CYFIP2: variants seen among roughly 807,000 people sequenced by gnomAD.
The protein encoded by CYFIP2 is cytoplasmic FMR1-interacting protein 2.
A neutral mutation model predicts 158.7 loss-of-function variants in CYFIP2; 29 were observed. The ratio of observed to expected loss-of-function variants is 0.18; its 90% CI spans 0.14 to 0.25. The LOEUF is 0.25. CYFIP2 is among the 10% of genes least tolerant of loss of function. The pLI, the probability that CYFIP2 is intolerant of heterozygous loss-of-function variation, is 1.00. For synonymous variants in CYFIP2, 585 were observed against 617.6 expected (o/e 0.95, Z 0.78); for missense variants, 852 against 1,639.5 (o/e 0.52, Z 8.29).
At position 157,311,466 on chromosome 5, in the gene CYFIP2, G is replaced by A. The variant is rs1759715923; in HGVS notation, c.993-198G>A. ...AGATGAGGCTGGCACCAAAGAGGAGGAGGAAGGACTGTTCCATTAGGCCTG... is the reference window on the plus strand; with the variant it reads ...AGATGAGGCTGGCACCAAAGAGGAGAAGGAAGGACTGTTCCATTAGGCCTG... On this transcript the variant is annotated intron_variant, in intron 10 of 30. Transcript: ENST00000620254. The surrounding 1 kb of genome is among the most constrained non-coding windows in gnomAD (Gnocchi z 4.7). The A allele has an allele frequency of 3.4e-6, 2 of 589,908 alleles. No homozygotes were observed. Among genetic ancestry groups the A allele is most frequent in the Middle Eastern group, 4.3e-4 (1 of 2,350 alleles). The allele number at this position is 589,908 out of a possible 1,614,324, so 36.5% of individuals were successfully genotyped here. A position where few individuals can be genotyped will look rare whatever the true frequency, so the allele number is the denominator to read the frequency against.
chr5:157,327,907 G>T (rs541707959), intron 18 of CYFIP2, 66 bp from the exon 19 acceptor site: 75 of 1,506,598 alleles, frequency 5.0e-5, no homozygotes, highest in Non-Finnish European at 6.2e-5. Flanking sequence ...CTGTCTTTCA[G>T]TTGGCTCAGT....
chr5:157,280,395 A>G (rs150482570), intron 1 of CYFIP2, among the ~76,000 whole-genome samples: 11 of 139,012 alleles, frequency 7.9e-5, no homozygotes, highest in African/African-American at 2.2e-4. Flanking sequence ...TTTAGTAGAA[A>G]TGGGATTTCT....
chr5:157,301,846 CTT>C (rs1428966801), intron 6 of CYFIP2, among the ~76,000 whole-genome samples: 2 of 152,072 alleles, frequency 1.3e-5, no homozygotes. Context: ...CCAGAAGTCT[CTT>C]GAGAAGGATT....
chr5:157,267,856 T>C (rs1755739405), intron 1 of CYFIP2, among the ~76,000 whole-genome samples: 1 of 152,214 alleles, frequency 6.6e-6, no homozygotes, highest in South Asian at 2.1e-4. Flanking sequence ...GTCCCTGAAA[T>C]GACAATATCT....
At chr5:157,331,636 T>C (rs1046327217) in intron 20 of CYFIP2, among the ~76,000 whole-genome samples, 1 of 151,704 alleles carries the variant, frequency 6.6e-6, no homozygotes, top group African/African-American at 2.4e-5. Flanking sequence ...GGGGGAAAAA[T>C]AGAATTTGTA....
chr5:157,283,820 T>C (rs2113838906), intron 1 of CYFIP2, among the ~76,000 whole-genome samples: 1 of 152,306 alleles, frequency 6.6e-6, no homozygotes, highest in East Asian at 1.9e-4. Flanking sequence ...GTTTTAGTCC[T>C]TGGCAGCCCG....
chr5:157,335,330 T>C (rs1436596415), intron 21 of CYFIP2, among the ~76,000 whole-genome samples: 2 of 152,252 alleles, frequency 1.3e-5, no homozygotes, highest in African/African-American at 4.8e-5. Context: ...TAGGCTGTAG[T>C]GCAGTGGCGT....
intron 16 of CYFIP2, among the ~76,000 whole-genome samples, chr5:157,325,148 A>G (rs1308299525): frequency 6.6e-6 from 1 of 152,012 alleles, no homozygotes; most frequent in Non-Finnish European, 1.5e-5. Context: ...CCACGAGCGT[A>G]CTTTTCATGC....
At position 157,345,188 on chromosome 5, in the gene CYFIP2, T is replaced by C. The variant is rs369628266; in HGVS notation, c.2673+4031T>C. 7.2e-5 allele frequency among the ~76,000 whole-genome samples: 11 copies of C among 152,298 alleles called. 1 individual carries two copies. The highest frequency in any genetic ancestry group is 6.5e-4 in the Admixed American group (10 of 15,304). On this transcript the variant is annotated intron_variant, in intron 23 of 30. Transcript: ENST00000620254. ...ACTATAAATACACTTTCGACCACGA[T>C]GAAAAGAGCTTAATTCATTATAGGC...
At position 157,338,634 on chromosome 5, in the gene CYFIP2, T is replaced by A. The variant is rs770465771; in HGVS notation, c.2386-423T>A. ...AGGCAAAATTGCCAATATTTGGCCC[T>A]AAAAAACAAGTAACGTCATAGGGTT... On this transcript the variant is annotated intron_variant, in intron 21 of 30. Transcript: ENST00000620254. Among the ~76,000 whole-genome samples, 11 of 152,326 alleles carry A rather than the reference T, an allele frequency of 7.2e-5. 1 individual carries two copies. Among genetic ancestry groups the A allele is most frequent in the Admixed American group, 2.6e-4 (4 of 15,302 alleles).
At chr5:157,379,471 A>C (rs181562404) in intron 26 of CYFIP2, among the ~76,000 whole-genome samples, 1 of 148,176 alleles carries the variant, frequency 6.7e-6, no homozygotes, top group East Asian at 1.9e-4. Context: ...TCCTACTTAT[A>C]AAAAAAAACT....
At chr5:157,383,483 C>T (rs1314696084) in intron 28 of CYFIP2, 124 bp downstream of exon 28, 43 of 817,156 alleles carry the variant, frequency 5.3e-5, no homozygotes, top group Non-Finnish European at 7.9e-5. Context: ...ATGTCCAATA[C>T]CCAAAAACTG....
At chr5:157,298,358 GTCTC>G (rs1403749253) in intron 5 of CYFIP2, among the ~76,000 whole-genome samples, 2 of 152,002 alleles carry the variant, frequency 1.3e-5, no homozygotes, top group Admixed American at 6.6e-5. Flanking sequence ...TTGAGACAGA[GTCTC>G]TCTCTGTCGC....
At chr5:157,281,372 GA>G (rs1306710635) in intron 1 of CYFIP2, among the ~76,000 whole-genome samples, 2 of 151,906 alleles carry the variant, frequency 1.3e-5, no homozygotes, top group African/African-American at 2.4e-5. Flanking sequence ...TGTTAAAAAG[GA>G]AAAAAATACT....
chr5:157,335,435 G>A (rs1761780879), intron 21 of CYFIP2, among the ~76,000 whole-genome samples: 1 of 152,070 alleles, frequency 6.6e-6, no homozygotes, highest in Non-Finnish European at 1.5e-5. Flanking sequence ...GTGCCACCAG[G>A]CCCACCTAAT....
chr5:157,353,467 A>G lies in CYFIP2; in HGVS notation c.2674-5538A>G, dbSNP rs142391855. 2.5e-3 allele frequency among the ~76,000 whole-genome samples: 384 copies of G among 152,342 alleles called. 1 individual carries two copies. The highest frequency in any genetic ancestry group is 8.9e-3 in the African/African-American group (371 of 41,588). On this transcript the variant is annotated intron_variant, in intron 23 of 30. Coordinates refer to ENST00000620254, the MANE Select transcript of CYFIP2 (RefSeq NM_001037333.3). Reference sequence around the variant, plus strand: ...TTCAGCCTCTGAGCTGAGAAGGCCAAGAAGGAACCCAGATGTTGGAGACCC... The same window carrying G: ...TTCAGCCTCTGAGCTGAGAAGGCCAGGAAGGAACCCAGATGTTGGAGACCC...
chr5:157,381,362 T>TAAA (rs11380239), intron 26 of CYFIP2, among the ~76,000 whole-genome samples: 9 of 143,112 alleles, frequency 6.3e-5, no homozygotes, highest in African/African-American at 2.3e-4. Context: ...GTAGGTATGA[T>TAAA]AAAAAAAAAA....
intron 1 of CYFIP2, among the ~76,000 whole-genome samples, chr5:157,274,053 T>C (rs1368688947): frequency 6.6e-6 from 1 of 151,350 alleles, no homozygotes; most frequent in East Asian, 1.9e-4. Flanking sequence ...GAGAATCGTT[T>C]GAACCCGGCA....
At chr5:157,386,463 G>A (rs1766701374) in intron 28 of CYFIP2, among the ~76,000 whole-genome samples, 1 of 152,094 alleles carries the variant, frequency 6.6e-6, no homozygotes, top group Non-Finnish European at 1.5e-5. Flanking sequence ...GAGGGTACAA[G>A]GAACAGGCTT....
Sources: allele counts gnomAD v4.1 joint callset (sites outside exome capture counted in the v4.1 genomes callset), GRCh38; gene constraint gnomAD v4.1.1; non-coding constraint Gnocchi (gnomAD v3.1); transcripts MANE v1.5; gene names NCBI Gene and HGNC (gene_info 2026-07-23, HGNC 2026-07-21).